DPP10: variants seen among roughly 807,000 people sequenced by gnomAD.
DPP10 encodes the protein dipeptidyl peptidase like 10.
A neutral mutation model predicts 120.9 loss-of-function variants in DPP10; 33 were observed. That is an observed-to-expected ratio of 0.27 (90% CI 0.21 to 0.37). The LOEUF (loss-of-function observed/expected upper bound fraction) is 0.37. DPP10 is among the 10% of genes least tolerant of loss of function. The pLI is 1.00. For missense variants in DPP10, 816 were observed against 942.8 expected (o/e 0.87, Z 1.76); for synonymous variants, 337 against 326.1 (o/e 1.03, Z -0.36).
chr2:114,796,473 A>AAT (rs907600173), intron 1 of DPP10, among the ~76,000 whole-genome samples: 200 of 151,840 alleles, frequency 1.3e-3, no homozygotes, highest in African/African-American at 4.5e-3. Context: ...TATAGTATAT[A>AAT]ATATATATAT....
At chr2:115,386,819 T>C (rs1054009176) in intron 3 of DPP10, among the ~76,000 whole-genome samples, 5 of 152,044 alleles carry the variant, frequency 3.3e-5, no homozygotes, top group African/African-American at 7.2e-5. Context: ...GGGTGACATA[T>C]ATTGTTACCC....
intron 5 of DPP10, among the ~76,000 whole-genome samples, chr2:115,687,074 T>C (rs1421909043): frequency 6.6e-6 from 1 of 152,052 alleles, no homozygotes; most frequent in Admixed American, 6.6e-5. Flanking sequence ...AGAAATGTTA[T>C]CCAAGGAAGG....
intron 1 of DPP10, among the ~76,000 whole-genome samples, chr2:115,211,972 TGTTGA>T (rs1470020292): frequency 6.6e-6 from 1 of 152,186 alleles, no homozygotes; most frequent in Non-Finnish European, 1.5e-5. Context: ...CCCTTGGATT[TGTTGA>T]GTTGACTGTG....
chr2:114,548,421 CT>C (rs1415234691), intron 1 of DPP10, among the ~76,000 whole-genome samples: 1 of 152,164 alleles, frequency 6.6e-6, no homozygotes, highest in Non-Finnish European at 1.5e-5. Flanking sequence ...GCTCTGACAC[CT>C]TTCTGCAGAA....
chr2:114,558,584 A>G (rs1688507739), intron 1 of DPP10, among the ~76,000 whole-genome samples: 1 of 152,166 alleles, frequency 6.6e-6, no homozygotes, highest in African/African-American at 2.4e-5. Context: ...TGTCTCTTCC[A>G]TCAAACAAAA....
chr2:115,674,936 G>C (rs1425047120), intron 5 of DPP10, among the ~76,000 whole-genome samples: 1 of 152,092 alleles, frequency 6.6e-6, no homozygotes, highest in African/African-American at 2.4e-5. Context: ...CATCACCTTA[G>C]TATTCAGGTC....
chr2:115,529,122 A>T (rs1032050612), intron 5 of DPP10, among the ~76,000 whole-genome samples: 1 of 152,116 alleles, frequency 6.6e-6, no homozygotes, highest in Admixed American at 6.6e-5. Context: ...TTTTAACTTG[A>T]AAAAGCTGTA....
intron 1 of DPP10, among the ~76,000 whole-genome samples, chr2:114,761,508 G>A (rs1373717307): frequency 6.6e-6 from 1 of 152,080 alleles, no homozygotes; most frequent in Non-Finnish European, 1.5e-5. Flanking sequence ...AGATAGATGG[G>A]TTTGCTAGCT....
At chr2:115,332,917 G>A (rs563789128) in intron 2 of DPP10, among the ~76,000 whole-genome samples, 1 of 152,262 alleles carries the variant, frequency 6.6e-6, no homozygotes, top group East Asian at 1.9e-4. Flanking sequence ...TGGGTGGAGA[G>A]TTCTGTAGAT....
At chr2:115,791,869 T>G (rs756392561) in intron 19 of DPP10, among the ~76,000 whole-genome samples, 27 of 152,148 alleles carry the variant, frequency 1.8e-4, no homozygotes, top group Non-Finnish European at 1.3e-4. Context: ...CATGACTATA[T>G]AGTATTAGGC....
intron 1 of DPP10, among the ~76,000 whole-genome samples, chr2:114,793,002 G>A (rs1683382320): frequency 6.6e-6 from 1 of 151,130 alleles, no homozygotes; most frequent in African/African-American, 2.4e-5. Flanking sequence ...GTGTGTGTGT[G>A]TGTGTGTGTG....
intron 1 of DPP10, among the ~76,000 whole-genome samples, chr2:114,477,507 T>A (rs1680519128): frequency 7.8e-6 from 1 of 128,946 alleles, no homozygotes; most frequent in African/African-American, 2.9e-5. Context: ...ATATACACAT[T>A]TATGTGTGTG....
chr2:115,806,847 AC>A (rs1339159043), intron 19 of DPP10, among the ~76,000 whole-genome samples: 1 of 150,090 alleles, frequency 6.7e-6, no homozygotes, highest in African/African-American at 2.5e-5. Context: ...TTGCCCCCCC[AC>A]CCCCAGTTCC....
chr2:115,555,365 A>G (rs2080145783), intron 5 of DPP10, among the ~76,000 whole-genome samples: 1 of 152,068 alleles, frequency 6.6e-6, no homozygotes, highest in African/African-American at 2.4e-5. Flanking sequence ...AAAGAAGTGA[A>G]AAACCTAACG....
chr2:115,212,985 A>C (rs1352525376), intron 1 of DPP10, among the ~76,000 whole-genome samples: 1 of 152,062 alleles, frequency 6.6e-6, no homozygotes, highest in Non-Finnish European at 1.5e-5. Context: ...ATGGAGATCC[A>C]CTCCATGATT....
At chr2:114,686,750 A>G (rs1221387695) in intron 1 of DPP10, among the ~76,000 whole-genome samples, 1 of 152,090 alleles carries the variant, frequency 6.6e-6, no homozygotes, top group South Asian at 2.1e-4. Context: ...AAAAAACGCA[A>G]TAATTGTAGT....
At chr2:115,157,259 A>AAAG (rs1559157536) in intron 1 of DPP10, among the ~76,000 whole-genome samples, 3 of 151,832 alleles carry the variant, frequency 2.0e-5, no homozygotes, top group Admixed American at 1.3e-4. Context: ...AAAAAAAAAA[A>AAAG]AAGAGAGATT....
chr2:115,762,741 T>C (rs533818165), intron 12 of DPP10, 131 bp downstream of exon 12: 2 of 1,029,182 alleles, frequency 1.9e-6, no homozygotes, highest in Admixed American at 2.1e-5. Flanking sequence ...TCCTTTTTCA[T>C]TAAAAGGATC....
chr2:114,465,140 G>A (rs961656038), intron 1 of DPP10, among the ~76,000 whole-genome samples: 18 of 152,120 alleles, frequency 1.2e-4, no homozygotes, highest in African/African-American at 4.3e-4. Context: ...AACATTTCCT[G>A]GTTGTGTGAA....
Sources: gnomAD v4.1 joint callset for allele counts (sites outside exome capture counted in the v4.1 genomes callset) on GRCh38, gnomAD v4.1.1 for gene constraint, MANE v1.5 for transcripts, NCBI Gene and HGNC (gene_info 2026-07-23, HGNC 2026-07-21) for gene names.